Variants in SOS1 observed in about 807,000 individuals in gnomAD.
The protein encoded by SOS1 is SOS Ras/Rac guanine nucleotide exchange factor 1, also known as son of sevenless homolog 1.
SOS1 carries 25 observed loss-of-function variants against 157.6 expected under a neutral mutation model. The observed-to-expected ratio is 0.16, with a 90% confidence interval of 0.12 to 0.22. The LOEUF is 0.22. Ranked by LOEUF, SOS1 falls within the 10% of genes least tolerant of loss-of-function variation. SOS1 has a pLI of 1.00. For missense variants in SOS1, 1,237 were observed against 1,599.1 expected, an observed-to-expected ratio of 0.77 and a Z score of 3.86; for synonymous variants, 528 against 534.0, an observed-to-expected ratio of 0.99 and a Z score of 0.16.
intron 1 of SOS1, among the ~76,000 whole-genome samples, chr2:39,073,854 GCT>G: frequency 1.3e-5 from 2 of 152,240 alleles, no homozygotes; most frequent in Middle Eastern, 6.8e-3. Flanking sequence ...TCTAAATTAT[GCT>G]CTGTCATGTC....
chr2:39,024,236 A>AC, intron 8 of SOS1, 99 bp from the exon 9 acceptor site: 2 of 1,005,328 alleles, frequency 2.0e-6, no homozygotes, highest in Non-Finnish European at 3.1e-6. Flanking sequence ...TTCAACTGTC[A>AC]CAATAAAAAT....
intron 8 of SOS1, among the ~76,000 whole-genome samples, chr2:39,030,457 T>A (rs1377326783): frequency 6.6e-6 from 1 of 151,848 alleles, no homozygotes; most frequent in Non-Finnish European, 1.5e-5. Context: ...GTAGTCTCAG[T>A]TACTTGGGAG....
Position 39,005,205 on chromosome 2 carries a change from C to G in SOS1, c.2791+1207G>C, listed in dbSNP as rs114435056. ...TAAAAGTTACATGAATGTGGTCTTT[C>G]TCTCCCAAAATATCTCATGTTTTTG... On this transcript the variant is annotated intron_variant, in intron 17 of 22. Transcript: ENST00000402219. Among the ~76,000 whole-genome samples, 636 of 150,780 alleles carry G rather than the reference C, an allele frequency of 4.2e-3. 8 individuals carry two copies. Among genetic ancestry groups the G allele is most frequent in the African/African-American group, 0.015 (602 of 41,478 alleles).
intron 1 of SOS1, among the ~76,000 whole-genome samples, chr2:39,092,935 T>C: frequency 6.6e-6 from 1 of 152,336 alleles, no homozygotes; most frequent in Admixed American, 6.5e-5. Context: ...ATAATTTACT[T>C]CTAAATATCA....
At chr2:39,072,629 T>C (rs1671828376) in intron 1 of SOS1, among the ~76,000 whole-genome samples, 2 of 152,224 alleles carry the variant, frequency 1.3e-5, no homozygotes, top group African/African-American at 2.4e-5. Context: ...TGGCACTTTG[T>C]ATAAGCAAAA....
chr2:39,034,430 T>C (rs769733348), intron 8 of SOS1, among the ~76,000 whole-genome samples: 1 of 152,324 alleles, frequency 6.6e-6, no homozygotes, highest in African/African-American at 2.4e-5. Context: ...GAAGTTTTCT[T>C]TGATGAAACA....
chr2:39,093,741 C>T (rs909308966), intron 1 of SOS1, among the ~76,000 whole-genome samples: 13 of 152,214 alleles, frequency 8.5e-5, no homozygotes, highest in South Asian at 6.2e-4. Context: ...GATCACTTAA[C>T]GACTTTGACT....
At chr2:39,023,306 T>TAGATTTTTACAAGTCTCACTGAGA in intron 9 of SOS1, 81 bp from the exon 10 acceptor site, 4 of 1,046,312 alleles carry the variant, frequency 3.8e-6, no homozygotes, top group Non-Finnish European at 5.7e-6. Context: ...AGTGTAAAAG[T>TAGATTTTTACAAGTCTCACTGAGA]AGATTTTTAC....
rs575625311 is a variant in SOS1, at chr2:39,008,970, G to A, written c.2510+1614C>T. On this transcript the variant is annotated intron_variant, in intron 15 of 22. Coordinates refer to ENST00000402219, the MANE Select transcript of SOS1 (RefSeq NM_005633.4). Reference sequence around the variant, plus strand: ...CTCTTACAAGGGGTGGGGGTGGGGCGGAGGGGGTGGAAGGAACAGAAACTG... The same window carrying A: ...CTCTTACAAGGGGTGGGGGTGGGGCAGAGGGGGTGGAAGGAACAGAAACTG... Among the ~76,000 whole-genome samples the A allele has an allele frequency of 4.7e-5, 7 of 150,370 alleles. 1 individual carries two copies. Among genetic ancestry groups the A allele is most frequent in the South Asian group, 4.2e-4 (2 of 4,748 alleles).
chr2:39,121,235 G>A (rs1251812167), upstream of SOS1, among the ~76,000 whole-genome samples: 2 of 152,298 alleles, frequency 1.3e-5, no homozygotes, highest in South Asian at 2.1e-4. Context: ...CTGGCAAAGT[G>A]GGGCCTGCAA....
At chr2:39,086,000 T>C (rs1472890917) in intron 1 of SOS1, among the ~76,000 whole-genome samples, 1 of 152,258 alleles carries the variant, frequency 6.6e-6, no homozygotes, top group Non-Finnish European at 1.5e-5. Flanking sequence ...ATTAAAATCT[T>C]TGTTCTTTCA....
intron 6 of SOS1, among the ~76,000 whole-genome samples, chr2:39,049,454 C>G (rs1480366813): frequency 6.6e-6 from 1 of 152,106 alleles, no homozygotes; most frequent in African/African-American, 2.4e-5. Context: ...TTCACAATAT[C>G]TTCTTTATAA....
At chr2:39,051,361 T>A in intron 5 of SOS1, 74 bp from the exon 6 acceptor site, 1 of 1,358,840 alleles carries the variant, frequency 7.4e-7, no homozygotes, top group Non-Finnish European at 1.0e-6. Context: ...AGCCAATAAG[T>A]CATTTTATAA....
chr2:38,996,675 G>T (rs1412268343), intron 19 of SOS1, among the ~76,000 whole-genome samples: 1 of 151,758 alleles, frequency 6.6e-6, no homozygotes, highest in East Asian at 1.9e-4. Flanking sequence ...ATTTTTTGGG[G>T]TAAAAAAAAT....
chr2:39,026,467 T>A (rs976496720), intron 8 of SOS1, among the ~76,000 whole-genome samples: 2 of 152,112 alleles, frequency 1.3e-5, no homozygotes, highest in Non-Finnish European at 2.9e-5. Context: ...TACATATTAA[T>A]ACAAAAATCA....
chr2:39,059,555 T>G (rs1020980438), intron 2 of SOS1, among the ~76,000 whole-genome samples: 3 of 152,080 alleles, frequency 2.0e-5, no homozygotes, highest in African/African-American at 7.2e-5. Flanking sequence ...CCAGTAGAGG[T>G]CGCTATTACA....
chr2:38,992,009 A>G (rs1201827408), intron 20 of SOS1, among the ~76,000 whole-genome samples: 2 of 152,224 alleles, frequency 1.3e-5, no homozygotes, highest in African/African-American at 2.4e-5. Flanking sequence ...AACTTAAACA[A>G]TGGAACTTTG....
intron 1 of SOS1, among the ~76,000 whole-genome samples, chr2:39,105,130 C>G (rs1673119277): frequency 6.6e-6 from 1 of 152,122 alleles, no homozygotes; most frequent in Non-Finnish European, 1.5e-5. Context: ...TAAGTGCATT[C>G]CATTACAAAT....
chr2:39,070,424 T>C lies in SOS1; in HGVS notation c.88-2671A>G, dbSNP rs945787380. Among the ~76,000 whole-genome samples, 9 of 152,192 alleles carry C rather than the reference T, an allele frequency of 5.9e-5. 1 individual carries two copies. Among genetic ancestry groups the C allele is most frequent in the Admixed American group, 2.6e-4 (4 of 15,288 alleles). ...TCCTTATTCCTTTTCCATGTCCTTG[T>C]AGAGTTCCATATCTTCCTCCATTCC... is the stretch of plus-strand genomic sequence containing the variant. On this transcript the variant is annotated intron_variant, in intron 1 of 22. Transcript: ENST00000402219.
Sources: gnomAD v4.1 joint callset for allele counts (sites outside exome capture counted in the v4.1 genomes callset) on GRCh38, gnomAD v4.1.1 for gene constraint, MANE v1.5 for transcripts, NCBI Gene and HGNC (gene_info 2026-07-23, HGNC 2026-07-21) for gene names.